Variants in BRWD3 observed in about 807,000 individuals in gnomAD.
BRWD3 encodes bromodomain and WD repeat-containing protein 3.
In BRWD3, 10 loss-of-function variants were observed where a neutral mutation model predicts 149.7. The observed-to-expected ratio is 0.07, with a 90% CI of 0.04 to 0.11. The LOEUF (loss-of-function observed/expected upper bound fraction) is 0.11, where lower values mean the gene tolerates loss of function less well. BRWD3 is among the 10% of genes least tolerant of loss of function. The pLI, the probability that BRWD3 is intolerant of heterozygous loss-of-function variation, is 1.00. For synonymous variants in BRWD3, 504 were observed against 456.7 expected (o/e 1.10, Z -1.32); for missense variants, 940 against 1,373.2 (o/e 0.68, Z 4.99).
Position 80,682,025 on chromosome X carries a change from G to A in BRWD3, c.4467C>T (p.Ala1489=). 8.3e-7 allele frequency: 1 copy of A among 1,208,752 alleles called. No individual in the cohort carries two copies. The highest frequency in any genetic ancestry group is 1.8e-5 in the South Asian group (1 of 56,923). The change falls in exon 39 of 41, where the codon GCC becomes GCT. Residue 1489 remains alanine, a synonymous_variant. Coordinates refer to ENST00000373275, the MANE Select transcript of BRWD3 (RefSeq NM_153252.5). ...GAGATGAGAAAGGAGAGCTAGTCCT[G>A]GCATGAGATACTGAGGTATTCTGGT... The part of the protein sequence containing the change: ...KNDQNTSVSH[A]RTSSPFSSPV...
chrX:80,707,570 C>A (rs778581565), intron 21 of BRWD3, 67 bp from the exon 22 acceptor site: 10 of 1,024,071 alleles, frequency 9.8e-6, no homozygotes, highest in Admixed American at 2.4e-5. Flanking sequence ...AATTAAAAAA[C>A]CACTACCTGT....
chrX:80,799,784 ACTTATATGACCTTAGGCAAAGTTT>A (rs2074273934), intron 4 of BRWD3, among the ~76,000 whole-genome samples: 1 of 110,585 alleles, frequency 9.0e-6, no homozygotes, highest in African/African-American at 3.3e-5. Flanking sequence ...CCCAGTTACT[ACTTATATGACCTTAGGCAAAGTTT>A]CTTAGCCTCT....
intron 6 of BRWD3, among the ~76,000 whole-genome samples, chrX:80,750,984 G>T (rs1181957027): frequency 9.0e-6 from 1 of 111,118 alleles, no homozygotes; most frequent in East Asian, 2.8e-4. Context: ...TATGCTAAGT[G>T]AAATAAGCCA....
chrX:80,766,348 T>C (rs1028652102), intron 6 of BRWD3, among the ~76,000 whole-genome samples: 6 of 111,104 alleles, frequency 5.4e-5, no homozygotes, highest in Admixed American at 1.9e-4. Context: ...TGGAAGATCA[T>C]AGGACTTCTC....
At chrX:80,803,081 G>A (rs749871351) in intron 4 of BRWD3, among the ~76,000 whole-genome samples, 109 of 92,566 alleles carry the variant, frequency 1.2e-3, no homozygotes, top group Non-Finnish European at 1.8e-3. Flanking sequence ...CAGCCTGGGC[G>A]ACAGCGCAAG....
intron 24 of BRWD3, among the ~76,000 whole-genome samples, chrX:80,700,450 A>ATATATAT (rs1482829141): frequency 1.0e-5 from 1 of 99,591 alleles, no homozygotes; most frequent in African/African-American, 3.6e-5. Context: ...ATAACAATAC[A>ATATATAT]ATTAGGCCGG....
rs1402494331 is a variant in BRWD3, at chrX:80,682,123, A to C, written c.4398-29T>G. ...GAAGTAAAAATATGTAACAACGAGC[A>C]TTTTTTTTTTTCTGTTAGCAACATA... On this transcript the variant is annotated intron_variant, in intron 38 of 40. Transcript: ENST00000373275. The C allele has an allele frequency of 6.5e-6, 6 of 927,023 alleles. No homozygotes were observed. In the East Asian group the frequency reaches 2.3e-4, roughly 36 times the overall value. 76.4% of individuals were successfully genotyped at this position (927,023 alleles called of 1,213,427 possible). A position where few individuals can be genotyped will look rare whatever the true frequency, so the allele number is the denominator to read the frequency against.
chrX:80,758,251 G>A (rs1000776941), intron 6 of BRWD3, among the ~76,000 whole-genome samples: 2 of 111,661 alleles, frequency 1.8e-5, no homozygotes, highest in Admixed American at 9.5e-5. Flanking sequence ...CTCTGTCCTC[G>A]TGGAATTTAC....
At chrX:80,756,220 A>G (rs1382911164) in intron 6 of BRWD3, among the ~76,000 whole-genome samples, 2 of 110,937 alleles carry the variant, frequency 1.8e-5, no homozygotes, top group African/African-American at 6.6e-5. Flanking sequence ...TCTATACATT[A>G]AGAAATAACG....
At chrX:80,722,416 A>C in intron 17 of BRWD3, 146 bp downstream of exon 17, 1 of 584,188 alleles carries the variant, frequency 1.7e-6, no homozygotes, top group Non-Finnish European at 2.8e-6. Context: ...GCTAAGGTAA[A>C]AACAACTGAA....
chrX:80,734,977 C>T (rs2073383300), intron 10 of BRWD3, 150 bp downstream of exon 10: 8 of 491,178 alleles, frequency 1.6e-5, no homozygotes, highest in Non-Finnish European at 2.1e-5. Context: ...ACTTAGAGTC[C>T]AAAAGAGTTT....
intron 4 of BRWD3, among the ~76,000 whole-genome samples, chrX:80,794,168 A>G (rs753255814): frequency 9.0e-6 from 1 of 111,218 alleles, no homozygotes; most frequent in East Asian, 2.8e-4. Flanking sequence ...ACACAGCGAG[A>G]CTCTGACTCA....
chrX:80,725,466 C>T (rs2073203814), intron 14 of BRWD3, among the ~76,000 whole-genome samples: 1 of 111,973 alleles, frequency 8.9e-6, no homozygotes, highest in Non-Finnish European at 1.9e-5. Flanking sequence ...TACTGGTATT[C>T]AAATTGTATT....
chrX:80,708,222 CCT>C (rs1476032204), intron 21 of BRWD3, among the ~76,000 whole-genome samples: 6 of 109,247 alleles, frequency 5.5e-5, no homozygotes, highest in African/African-American at 1.7e-4. Context: ...ATGGTGAAAC[CCT>C]GTCTCTACTA....
chrX:80,704,698 G>T lies in BRWD3; in HGVS notation c.2701C>A (p.Pro901Thr). ...LKSLEERQKK[P>T]KQTRKKKGGL... ...CAAACCTTCTTTCTAGTCTGCTTAGGTTTCTTCTGCCTTTCTTCTAGGGAC... is the reference window on the plus strand; with the variant it reads ...CAAACCTTCTTTCTAGTCTGCTTAGTTTTCTTCTGCCTTTCTTCTAGGGAC... Residue 901 changes from proline to threonine, a missense_variant, in exon 23 of 41, where the codon CCT becomes ACT. This residue lies in a region of BRWD3 where 158 missense variants were observed against 284.0 expected (regional missense o/e 0.56). Transcript: ENST00000373275. 8.3e-7 allele frequency: 1 copy of T among 1,210,748 alleles called. No homozygotes were observed. The highest frequency in any genetic ancestry group is 1.1e-6 in the Non-Finnish European group (1 of 894,916).
At chrX:80,730,411 AAG>A (rs1491007620) in intron 12 of BRWD3, among the ~76,000 whole-genome samples, 2 of 107,677 alleles carry the variant, frequency 1.9e-5, no homozygotes, top group Admixed American at 1.0e-4. Context: ...GAAAGAAAGA[AAG>A]AAAGAAAGAA....
At chrX:80,704,962 T>C (rs1221120443) in intron 22 of BRWD3, 116 bp from the exon 23 acceptor site, 1 of 793,412 alleles carries the variant, frequency 1.3e-6, no homozygotes, top group Non-Finnish European at 1.8e-6. Flanking sequence ...CTGGATTTTT[T>C]TCTAACTTAA....
chrX:80,690,046 C>T lies in BRWD3; in HGVS notation c.3649G>A (p.Ala1217Thr). The part of the protein sequence containing the change: ...MWEVRYIEHN[A>T]RTFNEPDSPI... ...CTGTCTGGCTCATTGAAAGTCCTGG[C>T]ATTATGTTCAATATAGCGTACCTCC... Residue 1217 changes from alanine (A) to threonine (T), a missense_variant, in exon 32 of 41, where the codon GCC becomes ACC. By Grantham distance (58) the Ala-to-Thr change is moderately conservative. Transcript: ENST00000373275. The T allele has an allele frequency of 8.3e-7, 1 of 1,207,430 alleles. No individual in the cohort carries two copies. The highest frequency in any genetic ancestry group is 1.1e-6 in the Non-Finnish European group (1 of 892,075).
chrX:80,769,780 C>A (rs2073912264), intron 6 of BRWD3, among the ~76,000 whole-genome samples: 1 of 106,682 alleles, frequency 9.4e-6, no homozygotes. Context: ...AGAAAAAAAC[C>A]TTCAAAAAAA....
Sources: gnomAD v4.1 joint callset for allele counts (sites outside exome capture counted in the v4.1 genomes callset) on GRCh38, gnomAD v4.1.1 for gene constraint, gnomAD v4.1.1 regional missense constraint, MANE v1.5 for transcripts, NCBI Gene and HGNC (gene_info 2026-07-23, HGNC 2026-07-21) for gene names.